Variants in CEMIP2 observed in about 807,000 individuals in gnomAD.
CEMIP2 encodes cell surface hyaluronidase CEMIP2.
A neutral mutation model predicts 146.9 loss-of-function variants in CEMIP2; 79 were observed. The ratio of observed to expected loss-of-function variants is 0.54; its 90% confidence interval spans 0.45 to 0.65. The LOEUF is 0.65. CEMIP2 is among the 30% of genes least tolerant of loss of function. The pLI, the probability that CEMIP2 is intolerant of heterozygous loss-of-function variation, is 0.00. For synonymous variants in CEMIP2, 601 were observed against 606.3 expected, an observed-to-expected ratio of 0.99 and a Z score of 0.13; for missense variants, 1,596 against 1,696.2, an observed-to-expected ratio of 0.94 and a Z score of 1.04.
intron 1 of CEMIP2, among the ~76,000 whole-genome samples, chr9:71,762,546 C>T (rs1433082193): frequency 7.0e-6 from 1 of 141,888 alleles, no homozygotes; most frequent in Admixed American, 7.2e-5. Context: ...AGCAGCATAA[C>T]AGGCAAACAG....
intron 10 of CEMIP2, 148 bp from the exon 11 acceptor site, chr9:71,725,857 T>A: frequency 1.3e-6 from 1 of 782,718 alleles, no homozygotes; most frequent in Non-Finnish European, 1.9e-6. Flanking sequence ...AATAAAAAGT[T>A]GTACACACGT....
intron 6 of CEMIP2, among the ~76,000 whole-genome samples, chr9:71,734,214 G>T (rs114149500): frequency 0.063 from 9,380 of 149,740 alleles, 467 homozygotes; most frequent in South Asian, 0.18. Flanking sequence ...TTTTGTTTTT[G>T]TTTTTGTTTT....
chr9:71,711,343 T>C (rs1220944937), intron 16 of CEMIP2, among the ~76,000 whole-genome samples: 5 of 151,816 alleles, frequency 3.3e-5, no homozygotes, highest in Non-Finnish European at 5.9e-5. Context: ...GAGAGGACCA[T>C]TTGAGGCCAG....
At chr9:71,759,175 G>A (rs529439786) in intron 1 of CEMIP2, among the ~76,000 whole-genome samples, 34 of 152,204 alleles carry the variant, frequency 2.2e-4, no homozygotes, top group African/African-American at 8.2e-4. Context: ...GTCCCTACCT[G>A]CTTTATCTAT....
intron 1 of CEMIP2, among the ~76,000 whole-genome samples, chr9:71,761,939 T>G (rs1824648283): frequency 6.6e-6 from 1 of 152,008 alleles, no homozygotes; most frequent in Non-Finnish European, 1.5e-5. Flanking sequence ...CACCAGACGA[T>G]TACTAATATC....
intron 5 of CEMIP2, among the ~76,000 whole-genome samples, chr9:71,735,207 C>T (rs1411123232): frequency 6.6e-6 from 1 of 151,914 alleles, no homozygotes; most frequent in African/African-American, 2.4e-5. Context: ...GGGGTGAGTG[C>T]CCCATGTACC....
In CEMIP2 at chr9:71,746,596, C is replaced by CAAAAAAAAAAA. The variant is rs5898226; in HGVS notation, c.332-266_332-256dup. Reference sequence around the variant, plus strand: ...GCATCTAGTTCAGGACAAACTTCACCAAAAAAAAAAAAAAAAAAAAAAAGT... The same window carrying CAAAAAAAAAAA: ...GCATCTAGTTCAGGACAAACTTCACCAAAAAAAAAAAAAAAAAAAAAAAAAAAAAAAAAAGT... On this transcript the variant is annotated intron_variant, in intron 2 of 23. Coordinates refer to ENST00000377044, the MANE Select transcript of CEMIP2 (RefSeq NM_013390.3). Among the ~76,000 whole-genome samples, 2 of 75,180 alleles carry CAAAAAAAAAAA rather than the reference C, an allele frequency of 2.7e-5. 1 individual carries two copies. Among genetic ancestry groups the CAAAAAAAAAAA allele is most frequent in the Non-Finnish European group, 4.7e-5 (2 of 42,386 alleles). The allele number at this position is 75,180 out of a possible 152,430, so 49.3% of individuals were successfully genotyped here. A position where few individuals can be genotyped will look rare whatever the true frequency, so the allele number is the denominator to read the frequency against.
At position 71,725,794 on chromosome 9, in the gene CEMIP2, C is replaced by T. The variant is rs1423725106; in HGVS notation, c.2050-85G>A. ...TCTCATAAACTAACTTCTTCATCAG[C>T]AAGTTTAATCTTTTTCACCCAAATT... On this transcript the variant is annotated intron_variant, in intron 10 of 23. Coordinates refer to ENST00000377044, the MANE Select transcript of CEMIP2 (RefSeq NM_013390.3). The T allele has an allele frequency of 3.5e-6, 5 of 1,430,320 alleles. No homozygotes were observed. In the Admixed American group the frequency reaches 7.3e-5, roughly 21 times the overall value. 88.6% of individuals were successfully genotyped at this position (1,430,320 alleles called of 1,614,324 possible). A position where few individuals can be genotyped will look rare whatever the true frequency, so the allele number is the denominator to read the frequency against.
intron 15 of CEMIP2, among the ~76,000 whole-genome samples, chr9:71,713,022 C>T (rs1362350074): frequency 1.3e-5 from 2 of 152,112 alleles, no homozygotes; most frequent in South Asian, 2.1e-4. Context: ...AGCAAGAAAA[C>T]CAAATAGCCT....
intron 10 of CEMIP2, 29 bp from the exon 11 acceptor site, chr9:71,725,738 A>C (rs1222938690): frequency 1.2e-6 from 2 of 1,604,874 alleles, no homozygotes; most frequent in South Asian, 1.1e-5. Context: ...GCCCATTAAA[A>C]GCCTAATTTA....
chr9:71,714,619 A>G (rs1246728236), intron 15 of CEMIP2, among the ~76,000 whole-genome samples: 1 of 151,300 alleles, frequency 6.6e-6, no homozygotes, highest in East Asian at 1.9e-4. Context: ...CTCAAGAAGG[A>G]AGAAAAAAAA....
At chr9:71,741,709 G>GC in intron 4 of CEMIP2, among the ~76,000 whole-genome samples, 1 of 139,240 alleles carries the variant, frequency 7.2e-6, no homozygotes, top group East Asian at 2.2e-4. Context: ...CGTGATCTCG[G>GC]CTCACCACAA....
Position 71,700,680 on chromosome 9 carries a change from C to T in CEMIP2, c.3339G>A (p.Lys1113=), listed in dbSNP as rs769357506. The change falls in exon 19 of 24, where the codon AAG becomes AAA. Residue 1113 remains lysine, a synonymous_variant. Transcript: ENST00000377044. ...PVHSLEELQR[K]QSERKFYFDS... is the part of the protein sequence containing the mutation. ...CAAAATAGAATTTCCTCTCGGATTG[C>T]TTTCTTTGCAGTTCTTCCAGTGAAT... is the stretch of plus-strand genomic sequence containing the variant. 3 of 1,609,136 alleles carry T rather than the reference C, an allele frequency of 1.9e-6. No homozygotes were observed. The Admixed American group carries it at 5.1e-5, about 27-fold the overall frequency.
At chr9:71,747,369 G>A (rs1212898948) in intron 2 of CEMIP2, among the ~76,000 whole-genome samples, 1 of 152,150 alleles carries the variant, frequency 6.6e-6, no homozygotes, top group Non-Finnish European at 1.5e-5. Context: ...GTAGTCAGTC[G>A]AGGTTCAAAA....
rs1159840273 is a variant in CEMIP2 at position 71,745,114 on chromosome 9, G to A, written c.938C>T (p.Ala313Val). 3.1e-6 allele frequency: 5 copies of A among 1,614,028 alleles called. No homozygotes were observed. The highest frequency in any genetic ancestry group is 4.2e-6 in the Non-Finnish European group (5 of 1,180,028). ...FQDPGRIVAI[A>V]VGDSAAKSLL... is the part of the protein sequence containing the mutation. The stretch of plus-strand genomic sequence containing the variant: ...ACTTTTAGCGGCTGAATCCCCGACA[G>A]CTATGGCAACAATCCGACCTGGATC... The change falls in exon 4 of 24, where the codon GCT becomes GTT. Residue 313 changes from alanine to valine, a missense_variant. Ala to Val is a moderately conservative substitution (Grantham distance 64). Transcript: ENST00000377044.
chr9:71,756,857 T>C (rs777187528), intron 1 of CEMIP2, among the ~76,000 whole-genome samples: 1 of 152,216 alleles, frequency 6.6e-6, no homozygotes, highest in African/African-American at 2.4e-5. Flanking sequence ...CTACACATTA[T>C]GAAATGCAGT....
intron 11 of CEMIP2, among the ~76,000 whole-genome samples, chr9:71,723,101 C>T (rs976805855): frequency 1.6e-5 from 2 of 128,908 alleles, no homozygotes; most frequent in East Asian, 2.6e-4. Flanking sequence ...TTTGTACAAA[C>T]GTCTAGAGAT....
At position 71,709,396 on chromosome 9, in the gene CEMIP2, A is replaced by C; in HGVS notation, c.2848T>G (p.Phe950Val). ...CEMDGDKNSI[F>V]HDIDGSVTGY... ...GTCACAGAGCCATCAATGTCATGGAATATGGAGTTCTTATCACCATCCATC... is the reference window on the plus strand; with the variant it reads ...GTCACAGAGCCATCAATGTCATGGACTATGGAGTTCTTATCACCATCCATC... Residue 950 changes from phenylalanine to valine, a missense_variant, in exon 17 of 24, where the codon TTC (phenylalanine) becomes GTC (valine). Physicochemically the swap from Phe to Val is conservative, Grantham distance 50 (BLOSUM62 -1). Coordinates refer to ENST00000377044, the MANE Select transcript of CEMIP2 (RefSeq NM_013390.3). 1 of 1,614,212 alleles carries C rather than the reference A, an allele frequency of 6.2e-7. No individual in the cohort carries two copies. The highest frequency in any genetic ancestry group is 8.5e-7 in the Non-Finnish European group (1 of 1,180,020).
intron 14 of CEMIP2, among the ~76,000 whole-genome samples, chr9:71,715,623 A>AAGATATATATAT (rs1368302783): frequency 2.5e-5 from 1 of 40,062 alleles, no homozygotes; most frequent in Non-Finnish European, 6.7e-5. Flanking sequence ...TATCCCTCTT[A>AAGATATATATAT]AGATATATAT....
Sources: allele counts gnomAD v4.1 joint callset (sites outside exome capture counted in the v4.1 genomes callset), GRCh38; gene constraint gnomAD v4.1.1; transcripts MANE v1.5; gene names NCBI Gene and HGNC (gene_info 2026-07-23, HGNC 2026-07-21).